AGO2: variants seen among roughly 807,000 people sequenced by gnomAD.
AGO2 encodes argonaute RISC catalytic component 2.
A neutral mutation model predicts 102.3 loss-of-function variants in AGO2; 5 were observed. The observed-to-expected ratio is 0.05, with a 90% CI of 0.03 to 0.10. The LOEUF (loss-of-function observed/expected upper bound fraction) is 0.10. AGO2 is among the 10% of genes least tolerant of loss of function. The pLI, the probability that AGO2 is intolerant of heterozygous loss-of-function variation, is 1.00. For synonymous variants in AGO2, 449 were observed against 473.1 expected (o/e 0.95, Z 0.66); for missense variants, 541 against 1,183.7 (o/e 0.46, Z 7.97).
intron 1 of AGO2, among the ~76,000 whole-genome samples, chr8:140,622,198 G>A (rs1413380717): frequency 6.6e-6 from 1 of 152,214 alleles, no homozygotes; most frequent in East Asian, 1.9e-4. Context: ...CCAGTGAGAC[G>A]GAACGCAGAT....
intron 8 of AGO2, among the ~76,000 whole-genome samples, chr8:140,556,500 G>A (rs961495981): frequency 1.3e-5 from 2 of 152,118 alleles, no homozygotes; most frequent in African/African-American, 2.4e-5. Flanking sequence ...CCCACGTCAC[G>A]CGAACACAGA....
chr8:140,613,536 C>A (rs942154473), intron 1 of AGO2, among the ~76,000 whole-genome samples: 5 of 152,150 alleles, frequency 3.3e-5, no homozygotes, highest in Non-Finnish European at 5.9e-5. Context: ...CCAAAAACAG[C>A]TGAAGAGCTG....
intron 1 of AGO2, among the ~76,000 whole-genome samples, chr8:140,604,633 T>C (rs2073970566): frequency 1.3e-5 from 2 of 152,122 alleles, no homozygotes; most frequent in African/African-American, 4.8e-5. Context: ...GAGACCATAC[T>C]GGCCAACACG....
intron 2 of AGO2, among the ~76,000 whole-genome samples, chr8:140,579,485 A>G (rs13250299): frequency 0.31 from 47,770 of 151,962 alleles, 7,804 homozygotes; most frequent in African/African-American, 0.35. Flanking sequence ...AACTACAGAC[A>G]CGGTAATCAT....
In AGO2 at chr8:140,560,478, G is replaced by A. The variant is rs1048719160; in HGVS notation, c.551C>T (p.Ala184Val). Residue 184 changes from alanine to valine, a missense_variant, in exon 5 of 19, where the codon GCG becomes GTG. Transcript: ENST00000220592. ...YTPVGRSFFT[A>V]SEGCSNPLGG... Reference sequence around the variant, plus strand: ...AAGAGGGTTAGAGCAGCCTTCGGACGCGGTGAAGAAGGAGCGGCCCACGGG... The same window carrying A: ...AAGAGGGTTAGAGCAGCCTTCGGACACGGTGAAGAAGGAGCGGCCCACGGG... 7 of 1,614,186 alleles carry A rather than the reference G, an allele frequency of 4.3e-6. No individual in the cohort carries two copies. The highest frequency in any genetic ancestry group is 1.1e-5 in the South Asian group (1 of 91,084).
intron 1 of AGO2, among the ~76,000 whole-genome samples, chr8:140,628,912 T>C (rs1045040940): frequency 2.8e-5 from 4 of 145,034 alleles, no homozygotes; most frequent in Admixed American, 1.4e-4. Flanking sequence ...CATGGCAAAA[T>C]CCCATGTCTA....
chr8:140,554,744 T>G (rs1486892014), intron 10 of AGO2, among the ~76,000 whole-genome samples: 1 of 152,162 alleles, frequency 6.6e-6, no homozygotes, highest in Non-Finnish European at 1.5e-5. Context: ...CAGGCTTGAG[T>G]GCAGTGGTGT....
At chr8:140,562,105 A>G (rs2073211621) in intron 4 of AGO2, among the ~76,000 whole-genome samples, 1 of 152,260 alleles carries the variant, frequency 6.6e-6, no homozygotes, top group South Asian at 2.1e-4. Flanking sequence ...TGCATGCAGC[A>G]CGAAACTGGG....
chr8:140,541,547 G>T, intron 14 of AGO2, 189 bp from the exon 15 acceptor site: 1 of 546,908 alleles, frequency 1.8e-6, no homozygotes, highest in South Asian at 2.6e-5. Flanking sequence ...AATAGTGTTC[G>T]TAAATACGTA....
intron 4 of AGO2, 22 bp from the exon 5 acceptor site, chr8:140,560,532 C>A (rs2073181419): frequency 6.2e-7 from 1 of 1,601,136 alleles, no homozygotes; most frequent in Non-Finnish European, 8.5e-7. Context: ...AGACCCCACC[C>A]CGCCTCCCGT....
At chr8:140,577,011 C>G (rs969953165) in intron 2 of AGO2, among the ~76,000 whole-genome samples, 2 of 152,000 alleles carry the variant, frequency 1.3e-5, no homozygotes, top group Admixed American at 6.6e-5. Context: ...ATCGAGACCA[C>G]CCTGGCTAAC....
intron 2 of AGO2, among the ~76,000 whole-genome samples, chr8:140,582,381 T>C (rs1420271586): frequency 6.6e-6 from 1 of 152,200 alleles, no homozygotes; most frequent in African/African-American, 2.4e-5. Context: ...TCAAAGGAAA[T>C]GCTCATTGGA....
Position 140,582,713 on chromosome 8 carries a change from T to C in AGO2, c.215+2406A>G, listed in dbSNP as rs567659567. 2.2e-4 allele frequency among the ~76,000 whole-genome samples: 34 copies of C among 152,286 alleles called. 1 individual carries two copies. Among genetic ancestry groups the C allele is most frequent in the African/African-American group, 7.5e-4 (31 of 41,536 alleles). On this transcript the variant is annotated intron_variant, in intron 2 of 18. Transcript: ENST00000220592. ...TAAAAACAGGAGAATATCTTTATGA[T>C]CCCTAGGTAGGCAAAAATTTCCTAG...
At chr8:140,573,737 G>A (rs2073421881) in intron 2 of AGO2, among the ~76,000 whole-genome samples, 1 of 152,252 alleles carries the variant, frequency 6.6e-6, no homozygotes, top group Non-Finnish European at 1.5e-5. Context: ...TTCCATGGAG[G>A]TAGGGTCAGG....
At chr8:140,564,989 C>T (rs978549638) in intron 3 of AGO2, among the ~76,000 whole-genome samples, 3 of 151,996 alleles carry the variant, frequency 2.0e-5, no homozygotes, top group African/African-American at 7.3e-5. Context: ...AAAAAACTAG[C>T]TGGGTATGGT....
rs190862167 is a variant in AGO2 at position 140,523,868 on chromosome 8, G to A, written c.*8176C>T. 6.6e-6 allele frequency: 1 copy of A among 152,326 alleles called. No individual in the cohort carries two copies. The highest frequency in any genetic ancestry group is 2.4e-5 in the African/African-American group (1 of 41,554). 9.4% of individuals were successfully genotyped at this position (152,326 alleles called of 1,614,324 possible). A position where few individuals can be genotyped will look rare whatever the true frequency, so the allele number is the denominator to read the frequency against. On this transcript the variant is annotated 3_prime_UTR_variant, in exon 19 of 19. Coordinates refer to ENST00000220592, the MANE Select transcript of AGO2 (RefSeq NM_012154.5). ...GGGGAGAAAGAGGGGAGGGCCAAGA[G>A]GAGCCACCAAGAAGAACTTCCTAGG... is the stretch of plus-strand genomic sequence containing the variant.
At chr8:140,610,028 T>TA (rs55637374) in intron 1 of AGO2, among the ~76,000 whole-genome samples, 100 of 126,554 alleles carry the variant, frequency 7.9e-4, no homozygotes, top group East Asian at 2.3e-3. Context: ...ACCTTGACTC[T>TA]AAAAAAAAAA....
chr8:140,605,367 G>A lies in AGO2; in HGVS notation c.23-20056C>T, dbSNP rs533850983. Among the ~76,000 whole-genome samples, 13 of 152,294 alleles carry A rather than the reference G, an allele frequency of 8.5e-5. No individual in the cohort carries two copies. In the South Asian group the frequency reaches 1.5e-3, roughly 17 times the overall value. The stretch of plus-strand genomic sequence containing the variant: ...CTGCGTCAGCTTCCCAACGTGCCGC[G>A]ATTACAGGTGTGAGCCAATGCACCC... On this transcript the variant is annotated intron_variant, in intron 1 of 18. Transcript: ENST00000220592.
intron 1 of AGO2, among the ~76,000 whole-genome samples, chr8:140,605,474 T>C (rs374419401): frequency 6.6e-5 from 10 of 152,224 alleles, no homozygotes; most frequent in Non-Finnish European, 8.8e-5. Context: ...TAACCCAGCC[T>C]GGGCTGAACA....
Sources: gnomAD v4.1 joint callset for allele counts (sites outside exome capture counted in the v4.1 genomes callset) on GRCh38, gnomAD v4.1.1 for gene constraint, MANE v1.5 for transcripts, NCBI Gene and HGNC (gene_info 2026-07-23, HGNC 2026-07-21) for gene names.